Variants in ADGRL3 observed in about 807,000 individuals in gnomAD.
The protein encoded by ADGRL3 is calcium-independent alpha-latrotoxin receptor 3.
In ADGRL3, 62 loss-of-function variants were observed where a neutral mutation model predicts 153.5. That is an observed-to-expected ratio of 0.40 (90% CI 0.33 to 0.50). The LOEUF is 0.50. ADGRL3 is among the 20% of genes least tolerant of loss of function. The pLI, the probability that ADGRL3 is intolerant of heterozygous loss-of-function variation, is 0.47. For missense variants in ADGRL3, 1,641 were observed against 1,859.4 expected, an observed-to-expected ratio of 0.88 and a Z score of 2.16; for synonymous variants, 710 against 672.5, an observed-to-expected ratio of 1.06 and a Z score of -0.86.
chr4:61,919,755 C>T (rs2098760090), intron 13 of ADGRL3, among the ~76,000 whole-genome samples: 1 of 152,196 alleles, frequency 6.6e-6, no homozygotes, highest in African/African-American at 2.4e-5. Flanking sequence ...TCTGCATTGA[C>T]GTGGAAAGAA....
At chr4:61,486,856 T>G (rs908861922) in intron 2 of ADGRL3, among the ~76,000 whole-genome samples, 8 of 152,184 alleles carry the variant, frequency 5.3e-5, no homozygotes, top group Admixed American at 2.6e-4. Flanking sequence ...ACTCTCCTAA[T>G]GAAATCTGTG....
chr4:61,576,535 C>T (rs980953374), intron 4 of ADGRL3, among the ~76,000 whole-genome samples: 4 of 148,532 alleles, frequency 2.7e-5, no homozygotes, highest in Non-Finnish European at 3.0e-5. Flanking sequence ...CCTCATTTAC[C>T]GATATAACAA....
chr4:61,469,747 C>G (rs185148926), intron 2 of ADGRL3, among the ~76,000 whole-genome samples: 17 of 151,810 alleles, frequency 1.1e-4, no homozygotes, highest in African/African-American at 4.1e-4. Context: ...GAATGTTGCA[C>G]AAAATACAAG....
chr4:61,250,358 T>C (rs1758763187), intron 1 of ADGRL3, among the ~76,000 whole-genome samples: 1 of 152,158 alleles, frequency 6.6e-6, no homozygotes, highest in Non-Finnish European at 1.5e-5. Flanking sequence ...GATTGGCTGA[T>C]CTTTGGGGTT....
intron 1 of ADGRL3, among the ~76,000 whole-genome samples, chr4:61,369,593 G>A (rs2096480553): frequency 6.6e-6 from 1 of 152,112 alleles, no homozygotes; most frequent in African/African-American, 2.4e-5. Flanking sequence ...CTTGATCATG[G>A]TGGATAAGCT....
chr4:61,511,617 G>A (rs528345512), intron 3 of ADGRL3, among the ~76,000 whole-genome samples: 1 of 152,252 alleles, frequency 6.6e-6, no homozygotes, highest in Non-Finnish European at 1.5e-5. Context: ...GAGGAACCTA[G>A]TCTGAAGTGT....
At chr4:61,985,186 C>A (rs553870325) in intron 19 of ADGRL3, among the ~76,000 whole-genome samples, 1 of 151,608 alleles carries the variant, frequency 6.6e-6, no homozygotes, top group East Asian at 1.9e-4. Flanking sequence ...AATTGCATTG[C>A]CTGTGGTTAT....
chr4:61,889,073 T>G (rs1311773185), intron 9 of ADGRL3, among the ~76,000 whole-genome samples: 1 of 152,248 alleles, frequency 6.6e-6, no homozygotes, highest in East Asian at 1.9e-4. Flanking sequence ...CTCCACTGCC[T>G]TCTTGACCTA....
At chr4:61,913,876 A>G (rs762387104) in intron 13 of ADGRL3, among the ~76,000 whole-genome samples, 12 of 152,108 alleles carry the variant, frequency 7.9e-5, no homozygotes, top group African/African-American at 2.7e-4. Flanking sequence ...TAATGAATGG[A>G]AATATCTCTG....
chr4:61,795,373 C>T (rs1247757849), intron 8 of ADGRL3, among the ~76,000 whole-genome samples: 2 of 152,224 alleles, frequency 1.3e-5, no homozygotes, highest in South Asian at 2.1e-4. Flanking sequence ...AGTGATCCTC[C>T]CAGAGGGCTG....
intron 22 of ADGRL3, among the ~76,000 whole-genome samples, chr4:62,029,673 T>G (rs2151484761): frequency 6.6e-6 from 1 of 150,556 alleles, no homozygotes; most frequent in East Asian, 1.9e-4. Flanking sequence ...GCCATTTCAC[T>G]TCTTCATGCT....
chr4:61,877,440 A>G (rs2098482300), intron 9 of ADGRL3, among the ~76,000 whole-genome samples: 2 of 152,192 alleles, frequency 1.3e-5, no homozygotes, highest in South Asian at 4.1e-4. Context: ...CAATTCTTTA[A>G]TAGTGATGAA....
At chr4:61,286,481 T>C (rs533660893) in intron 1 of ADGRL3, among the ~76,000 whole-genome samples, 1 of 151,810 alleles carries the variant, frequency 6.6e-6, no homozygotes, top group African/African-American at 2.4e-5. Flanking sequence ...AATTTTTTTC[T>C]AGAATATTTT....
intron 3 of ADGRL3, among the ~76,000 whole-genome samples, chr4:61,516,003 T>G (rs1385785817): frequency 6.6e-6 from 1 of 152,166 alleles, no homozygotes; most frequent in East Asian, 1.9e-4. Flanking sequence ...AGATTACCTT[T>G]GCCTAGATAT....
At chr4:61,929,723 T>G (rs1326712490) in intron 13 of ADGRL3, among the ~76,000 whole-genome samples, 1 of 152,134 alleles carries the variant, frequency 6.6e-6, no homozygotes, top group Non-Finnish European at 1.5e-5. Context: ...ATATGAGACA[T>G]CTTTAGATAA....
intron 8 of ADGRL3, among the ~76,000 whole-genome samples, chr4:61,748,766 A>T (rs2096709660): frequency 6.6e-6 from 1 of 152,072 alleles, no homozygotes; most frequent in Admixed American, 6.6e-5. Context: ...CCTAGAAGAA[A>T]ACCTAGGCAT....
chr4:61,917,346 T>G (rs553845848), intron 13 of ADGRL3, among the ~76,000 whole-genome samples: 8 of 152,184 alleles, frequency 5.3e-5, no homozygotes, highest in Non-Finnish European at 1.2e-4. Flanking sequence ...TTTTTTTCAA[T>G]CTCTTTTTTG....
intron 1 of ADGRL3, among the ~76,000 whole-genome samples, chr4:61,302,359 GCTA>G (rs1560448777): frequency 1.3e-5 from 2 of 152,220 alleles, no homozygotes; most frequent in African/African-American, 4.8e-5. Flanking sequence ...GAAGTGAAAG[GCTA>G]CTACTAGTGG....
At chr4:61,733,608 A>T in intron 8 of ADGRL3, 54 bp downstream of exon 8, 1 of 1,252,284 alleles carries the variant, frequency 8.0e-7, no homozygotes, top group Non-Finnish European at 1.1e-6. Flanking sequence ...GTTTGTTCTC[A>T]GCAAGTTCAT....
Sources: gnomAD v4.1 joint callset for allele counts (sites outside exome capture counted in the v4.1 genomes callset) on GRCh38, gnomAD v4.1.1 for gene constraint, MANE v1.5 for transcripts, NCBI Gene and HGNC (gene_info 2026-07-23, HGNC 2026-07-21) for gene names.